NTAN1: variants seen among roughly 807,000 people sequenced by gnomAD.
NTAN1 encodes N-terminal asparagine amidase, also known as protein N-terminal asparagine amidohydrolase.
A neutral mutation model predicts 41.9 loss-of-function variants in NTAN1; 32 were observed. The observed-to-expected ratio is 0.76, with a 90% CI of 0.58 to 1.03. The LOEUF (loss-of-function observed/expected upper bound fraction) is 1.03. NTAN1 is among the 50% of genes least tolerant of loss of function. The probability of loss-of-function intolerance (pLI) is 0.00; values close to 1 mark genes in which losing one functional copy is unlikely to be tolerated. For missense variants in NTAN1, 377 were observed against 377.5 expected (o/e 1.00, Z 0.01); for synonymous variants, 140 against 139.5 (o/e 1.00, Z -0.03).
chr16:15,038,217 AC>A lies in NTAN1; in HGVS notation c.754-8del, dbSNP rs1250061158. 3.7e-6 allele frequency: 6 copies of A among 1,610,872 alleles called. No homozygotes were observed. In the African/African-American group the frequency reaches 8.0e-5, roughly 22 times the overall value. Reference sequence around the variant, plus strand: ...GAGGCGAAGTGGAAAGATTCTGAAAACACAAGATGGTGGGCATTAGAGAAGC... The same window carrying A: ...GAGGCGAAGTGGAAAGATTCTGAAAAACAAGATGGTGGGCATTAGAGAAGC... On this transcript the variant is annotated splice_region_variant and splice_polypyrimidine_tract_variant and intron_variant, in intron 9 of 9. Coordinates refer to ENST00000287706, the MANE Select transcript of NTAN1 (RefSeq NM_173474.4).
At chr16:15,040,400 A>T (rs2043761120) in intron 7 of NTAN1, 1 of 281,858 alleles carries the variant, frequency 3.5e-6, no homozygotes, top group Non-Finnish European at 6.6e-6. Flanking sequence ...GGCTGGGTGA[A>T]CTGTGATCGT....
At position 15,040,201 on chromosome 16, in the gene NTAN1, C is replaced by G. The variant is rs80175185; in HGVS notation, c.542-135G>C. 8 of 472,510 alleles carry G rather than the reference C, an allele frequency of 1.7e-5. No homozygotes were observed. The East Asian group carries it at 2.3e-4, about 14-fold the overall frequency. 29.3% of individuals were successfully genotyped at this position (472,510 alleles called of 1,614,324 possible). On this transcript the variant is annotated intron_variant, in intron 7 of 9. Coordinates refer to ENST00000287706, the MANE Select transcript of NTAN1 (RefSeq NM_173474.4). ...GAATGGCTCCTAAGTATCTGGACTT[C>G]CCCCTCCCTGGAGGGGGAAAATGCA...
chr16:15,045,769 C>G (rs1426041590), intron 4 of NTAN1: 4 of 152,284 alleles, frequency 2.6e-5, no homozygotes, highest in African/African-American at 7.2e-5. Context: ...CATCTACTAA[C>G]CCCCTTTTCC....
At chr16:15,054,951 G>C in intron 1 of NTAN1, among the ~76,000 whole-genome samples, 1 of 152,162 alleles carries the variant, frequency 6.6e-6, no homozygotes, top group East Asian at 1.9e-4. Context: ...ATCTCAGAGT[G>C]AAAGGGGACG....
chr16:15,037,884 A>C lies in NTAN1; in HGVS notation c.*147T>G, dbSNP rs917975952. 1 of 562,384 alleles carries C rather than the reference A, an allele frequency of 1.8e-6. No individual in the cohort carries two copies. The highest frequency in any genetic ancestry group is 3.1e-6 in the Non-Finnish European group (1 of 317,766). 34.8% of individuals were successfully genotyped at this position (562,384 alleles called of 1,614,324 possible). A position where few individuals can be genotyped will look rare whatever the true frequency, so the allele number is the denominator to read the frequency against. The stretch of plus-strand genomic sequence containing the variant: ...TGCCAAAATAAGGTTTTATTTTGAA[A>C]GTCATTTGATGAAAGTCATTTGAAA... On this transcript the variant is annotated 3_prime_UTR_variant, in exon 10 of 10. Transcript: ENST00000287706.
In NTAN1 at chr16:15,050,498, TGAG is replaced by T. The variant is rs370468975; in HGVS notation, c.82-2402_82-2400del. 4.5e-4 allele frequency among the ~76,000 whole-genome samples: 68 copies of T among 152,274 alleles called. No homozygotes were observed. The East Asian group carries it at 0.013, about 29-fold the overall frequency. On this transcript the variant is annotated intron_variant, in intron 1 of 9. Transcript: ENST00000287706. ...CTGTAATTCCAGCACTTTGGGAGGC[TGAG>T]GAGGGAGGACTGCTTGAGCCTAAGA... is the stretch of plus-strand genomic sequence containing the variant.
chr16:15,056,063 G>C lies in NTAN1; in HGVS notation c.-92C>G. The C allele has an allele frequency of 4.3e-6, 2 of 461,198 alleles. No homozygotes were observed. The highest frequency in any genetic ancestry group is 5.9e-6 in the Non-Finnish European group (2 of 340,058). The allele number at this position is 461,198 out of a possible 1,614,324, so 28.6% of individuals were successfully genotyped here. A position where few individuals can be genotyped will look rare whatever the true frequency, so the allele number is the denominator to read the frequency against. On this transcript the variant is annotated 5_prime_UTR_variant, in exon 1 of 10. Transcript: ENST00000287706. The stretch of plus-strand genomic sequence containing the variant: ...CCGCCGCCCCCGCCCCTCGGGCCGC[G>C]CGTCCCGCCTCGTCCTGCCCCGCCC...
At chr16:15,055,006 T>A (rs1484609605) in intron 1 of NTAN1, among the ~76,000 whole-genome samples, 2 of 152,174 alleles carry the variant, frequency 1.3e-5, no homozygotes, top group African/African-American at 2.4e-5. Context: ...CTGAGCCTTC[T>A]TCATCAGAAA....
chr16:15,038,251 A>ATAAAATTAGAGAAGCCAACCTTG (rs1567750656), intron 9 of NTAN1, 41 bp from the exon 10 acceptor site: 1 of 1,441,178 alleles, frequency 6.9e-7, no homozygotes, highest in African/African-American at 1.4e-5. Context: ...AGCCAACCTT[A>ATAAAATTAGAGAAGCCAACCTTG]CTGTCCCCTG....
chr16:15,046,854 G>A (rs1029982593), intron 4 of NTAN1, among the ~76,000 whole-genome samples: 3 of 151,926 alleles, frequency 2.0e-5, no homozygotes, highest in African/African-American at 7.3e-5. Flanking sequence ...CAGACAGGGC[G>A]ACACAGCAAG....
At chr16:15,053,051 T>C (rs2151731676) in intron 1 of NTAN1, among the ~76,000 whole-genome samples, 1 of 152,324 alleles carries the variant, frequency 6.6e-6, no homozygotes, top group Admixed American at 6.5e-5. Flanking sequence ...TTAGTAGCCA[T>C]GCTGTCTGCT....
At chr16:15,054,946 A>G (rs1201527531) in intron 1 of NTAN1, among the ~76,000 whole-genome samples, 1 of 152,128 alleles carries the variant, frequency 6.6e-6, no homozygotes, top group Non-Finnish European at 1.5e-5. Flanking sequence ...TTCCCATCTC[A>G]GAGTGAAAGG....
chr16:15,048,566 A>G lies in NTAN1; in HGVS notation c.82-467T>C, dbSNP rs558699470. The stretch of plus-strand genomic sequence containing the variant: ...GTGTGAGACTCTTAACAATTTTACC[A>G]TTGTAAAGAGAATCAGATTACACAG... On this transcript the variant is annotated intron_variant, in intron 1 of 9. Transcript: ENST00000287706. Among the ~76,000 whole-genome samples, 4 of 152,118 alleles carry G rather than the reference A, an allele frequency of 2.6e-5. No individual in the cohort carries two copies. The East Asian group carries it at 7.8e-4, about 30-fold the overall frequency.
intron 7 of NTAN1, chr16:15,040,609 G>A (rs1047595616): frequency 7.8e-5 from 14 of 178,968 alleles, no homozygotes; most frequent in Non-Finnish European, 1.5e-4. Context: ...GATGGTTCTA[G>A]GTTTTCTCTA....
chr16:15,044,335 AAG>A lies in NTAN1; in HGVS notation c.430_431del (p.Leu144Ter). 1 of 1,604,084 alleles carries A rather than the reference AAG, an allele frequency of 6.2e-7. No individual in the cohort carries two copies. Among genetic ancestry groups the A allele is most frequent in the Non-Finnish European group, 8.5e-7 (1 of 1,171,082 alleles). ...QLSQKLTHQL[L>X]SEFDRQEDDI... is the part of the protein sequence containing the mutation. ...GAAAGAAAAAAAAAATGAACTTACT[AAG>A]AAGTTGATGAGTGAGTTTTTGTGAC... On this transcript the variant is annotated frameshift_variant and splice_region_variant, in exon 5 of 10. Coordinates refer to ENST00000287706, the MANE Select transcript of NTAN1 (RefSeq NM_173474.4). LOFTEE classifies it high-confidence loss of function.
chr16:15,050,753 A>C (rs1017756743), intron 1 of NTAN1, among the ~76,000 whole-genome samples: 2 of 152,142 alleles, frequency 1.3e-5, no homozygotes, highest in Admixed American at 6.5e-5. Context: ...AATTAAGATT[A>C]AACTAAAAGA....
At chr16:15,052,873 G>T (rs936127142) in intron 1 of NTAN1, among the ~76,000 whole-genome samples, 6 of 152,202 alleles carry the variant, frequency 3.9e-5, no homozygotes, top group Middle Eastern at 3.4e-3. Context: ...ACTAAGCTAC[G>T]CTGCGAGCAT....
Position 15,041,621 on chromosome 16 carries a change from A to G in NTAN1, c.487+2T>C. The G allele has an allele frequency of 6.2e-7, 1 of 1,607,504 alleles. No individual in the cohort carries two copies. The highest frequency in any genetic ancestry group is 8.5e-7 in the Non-Finnish European group (1 of 1,173,900). ...TGCTTTGGGGCAAATGGCAGGACTTACCTGTCACACATAATGTCACTAAGT... is the reference window on the plus strand; with the variant it reads ...TGCTTTGGGGCAAATGGCAGGACTTGCCTGTCACACATAATGTCACTAAGT... On this transcript the variant is annotated splice_donor_variant, in intron 6 of 9. Transcript: ENST00000287706. LOFTEE classifies it high-confidence loss of function.
At chr16:15,039,889 T>C in intron 8 of NTAN1, 80 bp downstream of exon 8, 2 of 797,132 alleles carry the variant, frequency 2.5e-6, no homozygotes, top group East Asian at 4.9e-5. Context: ...TAAACTTTTC[T>C]AAGATCCCAA....
Sources: allele counts gnomAD v4.1 joint callset (sites outside exome capture counted in the v4.1 genomes callset), GRCh38; gene constraint gnomAD v4.1.1; transcripts MANE v1.5; gene names NCBI Gene and HGNC (gene_info 2026-07-23, HGNC 2026-07-21).